The following SGCZ variants were observed in gnomAD, a reference collection of about 807,000 sequenced individuals.
SGCZ encodes the protein zeta-sarcoglycan.
Under a neutral mutation model 41.3 loss-of-function variants are expected in SGCZ, and 40 were observed. That is an observed-to-expected ratio of 0.97 (90% CI 0.75 to 1.26). The LOEUF (loss-of-function observed/expected upper bound fraction) is 1.26. Among genes scored for constraint, SGCZ ranks in the 50% most tolerant of loss-of-function variants. SGCZ has a pLI of 0.00. For synonymous variants in SGCZ, 206 were observed against 137.5 expected, an observed-to-expected ratio of 1.50 and a Z score of -3.49; for missense variants, 552 against 369.8, an observed-to-expected ratio of 1.49 and a Z score of -4.04.
At chr8:14,882,950 A>AG (rs1804648707) in intron 1 of SGCZ, among the ~76,000 whole-genome samples, 1 of 152,022 alleles carries the variant, frequency 6.6e-6, no homozygotes, top group Non-Finnish European at 1.5e-5. Flanking sequence ...CTGATTTTTA[A>AG]TTTTTTAATA....
chr8:14,481,775 G>C (rs1458713868), intron 2 of SGCZ, among the ~76,000 whole-genome samples: 1 of 152,134 alleles, frequency 6.6e-6, no homozygotes, highest in Non-Finnish European at 1.5e-5. Context: ...AAAATGTTCA[G>C]TAGATGAGAG....
intron 4 of SGCZ, among the ~76,000 whole-genome samples, chr8:14,233,004 G>A (rs1169035862): frequency 6.6e-6 from 1 of 151,928 alleles, no homozygotes; most frequent in Non-Finnish European, 1.5e-5. Context: ...TTATGACATA[G>A]GGCCCCATAA....
intron 1 of SGCZ, among the ~76,000 whole-genome samples, chr8:14,826,281 A>G (rs980304291): frequency 1.3e-5 from 2 of 152,080 alleles, no homozygotes; most frequent in African/African-American, 4.8e-5. Flanking sequence ...TTTTATGGCT[A>G]CATAGTATTC....
At chr8:15,035,045 C>A (rs569135652) in intron 1 of SGCZ, among the ~76,000 whole-genome samples, 1 of 152,076 alleles carries the variant, frequency 6.6e-6, no homozygotes, top group South Asian at 2.1e-4. Context: ...AGTACATAGT[C>A]AAATTCAGAA....
intron 1 of SGCZ, among the ~76,000 whole-genome samples, chr8:14,669,723 CACACACACAAT>C (rs1808041915): frequency 6.6e-6 from 1 of 151,220 alleles, no homozygotes; most frequent in Admixed American, 6.6e-5. Context: ...CACACACACA[CACACACACAAT>C]ATTTTGTTCA....
At chr8:14,468,494 A>T (rs1365284150) in intron 2 of SGCZ, among the ~76,000 whole-genome samples, 2 of 152,104 alleles carry the variant, frequency 1.3e-5, no homozygotes, top group Non-Finnish European at 2.9e-5. Flanking sequence ...TGTTTCATAC[A>T]TGTCTGATCT....
intron 2 of SGCZ, among the ~76,000 whole-genome samples, chr8:14,336,312 C>T (rs1440886603): frequency 6.6e-6 from 1 of 152,018 alleles, no homozygotes; most frequent in East Asian, 1.9e-4. Flanking sequence ...TTTATTCAGT[C>T]TACAAATGAT....
intron 1 of SGCZ, among the ~76,000 whole-genome samples, chr8:14,916,489 T>A (rs1334045621): frequency 4.5e-4 from 69 of 152,212 alleles, no homozygotes; most frequent in Non-Finnish European, 8.8e-5. Flanking sequence ...TTTTCAGGAA[T>A]GCTCCAAATT....
chr8:14,540,506 C>T (rs1803432048), intron 2 of SGCZ, among the ~76,000 whole-genome samples: 1 of 151,494 alleles, frequency 6.6e-6, no homozygotes, highest in Admixed American at 6.6e-5. Context: ...TTTTATCAAA[C>T]CCTTCCACTG....
chr8:14,894,509 C>T lies in SGCZ; in HGVS notation c.40-339583G>A, dbSNP rs138179160. Reference sequence around the variant, plus strand: ...AATGGACAAGGACTCTTCAAATTTGCTCCCCAAGGGTCTTTGCTTCAGGTC... The same window carrying T: ...AATGGACAAGGACTCTTCAAATTTGTTCCCCAAGGGTCTTTGCTTCAGGTC... On this transcript the variant is annotated intron_variant, in intron 1 of 7. Transcript: ENST00000382080. 2.2e-3 allele frequency among the ~76,000 whole-genome samples: 339 copies of T among 152,272 alleles called. 2 individuals carry two copies. The highest frequency in any genetic ancestry group is 7.3e-3 in the African/African-American group (304 of 41,548).
At chr8:15,140,401 T>A (rs1251629557) in intron 1 of SGCZ, among the ~76,000 whole-genome samples, 29 of 152,156 alleles carry the variant, frequency 1.9e-4, no homozygotes, top group Admixed American at 1.9e-3. Context: ...TTCTTGGGCT[T>A]GAATTCTATG....
At chr8:15,143,268 T>A (rs139344704) in intron 1 of SGCZ, among the ~76,000 whole-genome samples, 1 of 152,324 alleles carries the variant, frequency 6.6e-6, no homozygotes, top group East Asian at 1.9e-4. Flanking sequence ...AGGAACCTTA[T>A]ATATCGGTTT....
At chr8:14,821,357 A>G (rs964771177) in intron 1 of SGCZ, among the ~76,000 whole-genome samples, 2 of 152,084 alleles carry the variant, frequency 1.3e-5, no homozygotes, top group African/African-American at 4.8e-5. Context: ...AGCCAGGAAC[A>G]TCTGTTGGTT....
In SGCZ at chr8:14,805,532, A is replaced by G. The variant is rs951301274; in HGVS notation, c.40-250606T>C. On this transcript the variant is annotated intron_variant, in intron 1 of 7. Coordinates refer to ENST00000382080, the MANE Select transcript of SGCZ (RefSeq NM_139167.4). ...ATCAATTCAACAAGAGGAGCTAACCATCCTAAATATATATGCACCCAATAC... is the reference window on the plus strand; with the variant it reads ...ATCAATTCAACAAGAGGAGCTAACCGTCCTAAATATATATGCACCCAATAC... 3.3e-3 allele frequency among the ~76,000 whole-genome samples: 455 copies of G among 138,072 alleles called. 2 individuals carry two copies. The highest frequency in any genetic ancestry group is 0.01 in the African/African-American group (404 of 40,306). The allele number at this position is 138,072 out of a possible 152,430, so 90.6% of individuals were successfully genotyped here. A position where few individuals can be genotyped will look rare whatever the true frequency, so the allele number is the denominator to read the frequency against.
In SGCZ at chr8:14,331,679, T is replaced by C. The variant is rs946932464; in HGVS notation, c.235-7475A>G. Among the ~76,000 whole-genome samples the C allele has an allele frequency of 2.5e-4, 38 of 152,084 alleles. 1 individual carries two copies. The highest frequency in any genetic ancestry group is 8.9e-4 in the African/African-American group (37 of 41,444). Reference sequence around the variant, plus strand: ...CCATCCTGAATATGATTTATCACCTTTGTTCTTTGCCAATAGTTGTTCAAA... The same window carrying C: ...CCATCCTGAATATGATTTATCACCTCTGTTCTTTGCCAATAGTTGTTCAAA... On this transcript the variant is annotated intron_variant, in intron 2 of 7. Transcript: ENST00000382080.
chr8:14,765,894 G>A (rs1800020002), intron 1 of SGCZ, among the ~76,000 whole-genome samples: 1 of 151,368 alleles, frequency 6.6e-6, no homozygotes, highest in African/African-American at 2.4e-5. Flanking sequence ...GAGGAGAGAG[G>A]TTGCCAGGCA....
intron 1 of SGCZ, among the ~76,000 whole-genome samples, chr8:14,776,560 C>A (rs1800408437): frequency 6.8e-6 from 1 of 146,110 alleles, no homozygotes; most frequent in African/African-American, 2.5e-5. Flanking sequence ...GGTCTGTCGC[C>A]CATGCTCACT....
chr8:15,066,315 C>CAAAA (rs34127345), intron 1 of SGCZ, among the ~76,000 whole-genome samples: 7 of 106,916 alleles, frequency 6.5e-5, no homozygotes, highest in African/African-American at 2.1e-4. Flanking sequence ...ACTCCGTCTC[C>CAAAA]AAAAAAAAAA....
At chr8:14,932,227 G>A (rs1799941460) in intron 1 of SGCZ, among the ~76,000 whole-genome samples, 1 of 151,694 alleles carries the variant, frequency 6.6e-6, no homozygotes. Flanking sequence ...AAATTATAAA[G>A]GTTAAAATGC....
Sources: allele counts gnomAD v4.1 joint callset (sites outside exome capture counted in the v4.1 genomes callset), GRCh38; gene constraint gnomAD v4.1.1; transcripts MANE v1.5; gene names NCBI Gene and HGNC (gene_info 2026-07-23, HGNC 2026-07-21).